ABCB1: variants seen among roughly 807,000 people sequenced by gnomAD.
ABCB1 encodes the protein ATP-dependent translocase ABCB1.
Under a neutral mutation model 142.0 loss-of-function variants are expected in ABCB1, and 69 were observed. The ratio of observed to expected loss-of-function variants is 0.49; its 90% CI spans 0.40 to 0.59. ABCB1 has a LOEUF of 0.59. Ranked by LOEUF, ABCB1 falls within the 20% of genes least tolerant of loss-of-function variation. The pLI is 0.00. For synonymous variants in ABCB1, 532 were observed against 539.2 expected (o/e 0.99, Z 0.18); for missense variants, 1,326 against 1,554.7 (o/e 0.85, Z 2.47).
At chr7:87,604,111 T>C (rs531093531), upstream of ABCB1, among the ~76,000 whole-genome samples, 7 of 152,320 alleles carry the variant, frequency 4.6e-5, no homozygotes, top group African/African-American at 1.7e-4. Context: ...TAACAACACA[T>C]TTATAGAAAT....
intron 1 of ABCB1, among the ~76,000 whole-genome samples, chr7:87,616,617 C>T (rs1276366640): frequency 6.6e-6 from 1 of 152,158 alleles, no homozygotes; most frequent in South Asian, 2.1e-4. Flanking sequence ...TATCTCCCCA[C>T]CAGGTAAATA....
intron 1 of ABCB1, among the ~76,000 whole-genome samples, chr7:87,699,554 C>T (rs1397096082): frequency 3.3e-5 from 5 of 152,130 alleles, no homozygotes; most frequent in Non-Finnish European, 7.4e-5. Flanking sequence ...TATGGGCATA[C>T]ACCACCATGC....
intron 1 of ABCB1, 23 bp from the exon 2 acceptor site, chr7:87,600,213 T>C: frequency 1.9e-6 from 3 of 1,601,338 alleles, no homozygotes; most frequent in East Asian, 2.2e-5. Flanking sequence ...CGCAGCTCAT[T>C]AGCCAAATGC....
chr7:87,677,923 A>G (rs1450189743), intron 1 of ABCB1, among the ~76,000 whole-genome samples: 1 of 152,234 alleles, frequency 6.6e-6, no homozygotes, highest in Non-Finnish European at 1.5e-5. Flanking sequence ...AAGCACTGCT[A>G]ACCCAGAATT....
intron 1 of ABCB1, among the ~76,000 whole-genome samples, chr7:87,675,164 A>T (rs1156783452): frequency 1.3e-5 from 2 of 152,290 alleles, no homozygotes; most frequent in East Asian, 3.9e-4. Flanking sequence ...CCCTGTGCTT[A>T]GCCTCCCCAT....
chr7:87,562,712 G>T (rs1817612245), intron 7 of ABCB1, among the ~76,000 whole-genome samples: 1 of 148,710 alleles, frequency 6.7e-6, no homozygotes, highest in South Asian at 2.2e-4. Flanking sequence ...CAAAAGTATG[G>T]TTGAATCTTC....
At chr7:87,608,148 A>T (rs1479549866) in intron 1 of ABCB1, among the ~76,000 whole-genome samples, 1 of 152,314 alleles carries the variant, frequency 6.6e-6, no homozygotes, top group East Asian at 1.9e-4. Context: ...AAACAAGATA[A>T]CCCAACATTG....
intron 1 of ABCB1, among the ~76,000 whole-genome samples, chr7:87,682,793 G>A (rs1827055655): frequency 6.6e-6 from 1 of 152,154 alleles, no homozygotes; most frequent in Non-Finnish European, 1.5e-5. Context: ...AATAAGCATT[G>A]GCTTCAACTT....
At chr7:87,604,933 T>C (rs76089429), upstream of ABCB1, among the ~76,000 whole-genome samples, 2,154 of 152,328 alleles carry the variant, frequency 0.014, 47 homozygotes, top group African/African-American at 0.049. Flanking sequence ...TATTAATGTT[T>C]CATATGATTA....
chr7:87,519,536 G>T, intron 22 of ABCB1, 70 bp from the exon 23 acceptor site: 2 of 1,594,612 alleles, frequency 1.3e-6, no homozygotes, highest in Non-Finnish European at 1.7e-6. Flanking sequence ...CTTTTGATAG[G>T]TTGGCAGTAG....
chr7:87,622,582 A>G (rs886408266), intron 1 of ABCB1, among the ~76,000 whole-genome samples: 7 of 152,194 alleles, frequency 4.6e-5, no homozygotes, highest in Non-Finnish European at 1.0e-4. Flanking sequence ...TGAGCTCCAG[A>G]ATTATCTAGA....
intron 1 of ABCB1, among the ~76,000 whole-genome samples, chr7:87,645,901 G>C (rs1188317150): frequency 1.3e-5 from 2 of 152,156 alleles, no homozygotes; most frequent in Non-Finnish European, 2.9e-5. Flanking sequence ...TTGTGTTGGA[G>C]GGAGGAGAGC....
intron 26 of ABCB1, among the ~76,000 whole-genome samples, chr7:87,506,704 T>C (rs1216433415): frequency 6.6e-6 from 1 of 152,160 alleles, no homozygotes; most frequent in Admixed American, 6.5e-5. Context: ...GGGACAGCAG[T>C]TAAAGGTTAC....
chr7:87,550,366 C>T lies in ABCB1; in HGVS notation c.1225-70G>A, dbSNP rs893048966. The T allele has an allele frequency of 9.3e-6, 15 of 1,610,990 alleles. No individual in the cohort carries two copies. The Admixed American group carries it at 2.5e-4, about 27-fold the overall frequency. On this transcript the variant is annotated intron_variant, in intron 11 of 27. Coordinates refer to ENST00000622132, the MANE Select transcript of ABCB1 (RefSeq NM_001348946.2). ...ACAGGATATAGGAACTGACTGTTCACTAGGTTTAAATATACATGCACTTTT... is the reference window on the plus strand; with the variant it reads ...ACAGGATATAGGAACTGACTGTTCATTAGGTTTAAATATACATGCACTTTT...
intron 3 of ABCB1, among the ~76,000 whole-genome samples, chr7:87,590,697 T>G (rs1439050882): frequency 6.6e-6 from 1 of 152,190 alleles, no homozygotes; most frequent in East Asian, 1.9e-4. Flanking sequence ...GAGGGAATAT[T>G]TGTCTGCAGT....
chr7:87,635,235 A>G (rs1221577492), intron 1 of ABCB1, among the ~76,000 whole-genome samples: 2 of 151,944 alleles, frequency 1.3e-5, no homozygotes, highest in Admixed American at 1.3e-4. Context: ...ATTGCTCCAC[A>G]CTCTTCTATC....
At chr7:87,678,893 A>G (rs1456374955) in intron 1 of ABCB1, among the ~76,000 whole-genome samples, 1 of 152,180 alleles carries the variant, frequency 6.6e-6, no homozygotes, top group Non-Finnish European at 1.5e-5. Flanking sequence ...AAACCAAAGT[A>G]TGTATGCAGC....
chr7:87,661,538 G>C (rs912834069), intron 1 of ABCB1, among the ~76,000 whole-genome samples: 7 of 151,640 alleles, frequency 4.6e-5, no homozygotes, highest in African/African-American at 1.7e-4. Flanking sequence ...TTCTGTGTCT[G>C]TCTTTTGTCA....
chr7:87,657,678 G>A (rs1824249300), intron 1 of ABCB1, among the ~76,000 whole-genome samples: 1 of 152,144 alleles, frequency 6.6e-6, no homozygotes, highest in Non-Finnish European at 1.5e-5. Flanking sequence ...TGGCCATACT[G>A]GGGTGGGGTC....
Sources: gnomAD v4.1 joint callset for allele counts (sites outside exome capture counted in the v4.1 genomes callset) on GRCh38, gnomAD v4.1.1 for gene constraint, MANE v1.5 for transcripts, NCBI Gene and HGNC (gene_info 2026-07-23, HGNC 2026-07-21) for gene names.